Variants in BCL7A observed in about 807,000 individuals in gnomAD.
The protein encoded by BCL7A is BAF chromatin remodeling complex subunit BCL7A.
Under a neutral mutation model 28.4 loss-of-function variants are expected in BCL7A, and 11 were observed. The ratio of observed to expected loss-of-function variants is 0.39; its 90% confidence interval spans 0.24 to 0.64. BCL7A has a LOEUF of 0.64. BCL7A is among the 30% of genes least tolerant of loss of function. The pLI is 0.50. For synonymous variants in BCL7A, 123 were observed against 103.3 expected, an observed-to-expected ratio of 1.19 and a Z score of -1.15; for missense variants, 222 against 274.8, an observed-to-expected ratio of 0.81 and a Z score of 1.36.
intron 4 of BCL7A, 138 bp downstream of exon 4, chr12:122,044,191 T>C: frequency 1.0e-6 from 1 of 996,606 alleles, no homozygotes; most frequent in Non-Finnish European, 1.4e-6. Context: ...ACACCTGGAG[T>C]ACATGGTCTC....
intron 1 of BCL7A, among the ~76,000 whole-genome samples, chr12:122,023,255 C>T (rs532621870): frequency 5.3e-5 from 8 of 152,204 alleles, no homozygotes; most frequent in Middle Eastern, 3.4e-3. Flanking sequence ...TATTTTTTTC[C>T]CACGCCTTCA....
At chr12:122,052,199 A>T (rs1169476834) in intron 4 of BCL7A, among the ~76,000 whole-genome samples, 3 of 152,066 alleles carry the variant, frequency 2.0e-5, no homozygotes, top group African/African-American at 7.2e-5. Context: ...TCTTTTAAAA[A>T]AAAAAAATAA....
At chr12:122,036,379 G>A (rs1031003987) in intron 3 of BCL7A, among the ~76,000 whole-genome samples, 5 of 152,116 alleles carry the variant, frequency 3.3e-5, no homozygotes, top group Admixed American at 3.3e-4. Flanking sequence ...CTGCACTCCA[G>A]CCTGGGCAAT....
chr12:122,051,055 G>T (rs900963586), intron 4 of BCL7A, among the ~76,000 whole-genome samples: 2 of 152,196 alleles, frequency 1.3e-5, no homozygotes, highest in Admixed American at 6.6e-5. Flanking sequence ...TCCCACGTTG[G>T]GGGTGTGTGT....
At chr12:122,033,466 A>G (rs774260927) in intron 2 of BCL7A, among the ~76,000 whole-genome samples, 2 of 152,156 alleles carry the variant, frequency 1.3e-5, no homozygotes, top group African/African-American at 2.4e-5. Context: ...GGCGCGCGCC[A>G]CCACGTCCAG....
intron 4 of BCL7A, among the ~76,000 whole-genome samples, chr12:122,050,504 G>C (rs1028810803): frequency 6.6e-6 from 1 of 152,160 alleles, no homozygotes; most frequent in East Asian, 1.9e-4. Flanking sequence ...CATGGCCCCC[G>C]TGATCCCAGC....
At chr12:122,050,995 G>A (rs184491347) in intron 4 of BCL7A, among the ~76,000 whole-genome samples, 183 of 152,320 alleles carry the variant, frequency 1.2e-3, no homozygotes, top group African/African-American at 4.2e-3. Context: ...GTGCAGCCGC[G>A]TTCCTGCTTC....
intron 5 of BCL7A, among the ~76,000 whole-genome samples, chr12:122,058,056 G>A (rs61952895): frequency 6.6e-6 from 1 of 151,952 alleles, no homozygotes; most frequent in Non-Finnish European, 1.5e-5. Context: ...AATCATCCGG[G>A]CATGGTGGCA....
intron 1 of BCL7A, among the ~76,000 whole-genome samples, chr12:122,023,863 A>G (rs1883541908): frequency 6.6e-6 from 1 of 152,162 alleles, no homozygotes; most frequent in African/African-American, 2.4e-5. Flanking sequence ...CAAAGAAAGA[A>G]CTGGTGTCTG....
At chr12:122,056,485 G>T (rs1249672298) in intron 5 of BCL7A, among the ~76,000 whole-genome samples, 1 of 152,098 alleles carries the variant, frequency 6.6e-6, no homozygotes. Context: ...CTCCAGTAAA[G>T]CAGACAGCCT....
intron 1 of BCL7A, among the ~76,000 whole-genome samples, chr12:122,025,276 T>C (rs998761210): frequency 6.6e-6 from 1 of 151,448 alleles, no homozygotes; most frequent in Admixed American, 6.6e-5. Flanking sequence ...GACAGGAGGA[T>C]TGCTTGAGCC....
chr12:122,059,056 C>T lies in BCL7A; in HGVS notation c.562-36C>T. The T allele has an allele frequency of 6.4e-7, 1 of 1,552,804 alleles. No individual in the cohort carries two copies. Among genetic ancestry groups the T allele is most frequent in the South Asian group, 1.1e-5 (1 of 89,730 alleles). On this transcript the variant is annotated intron_variant, in intron 5 of 5. Coordinates refer to ENST00000261822, the MANE Select transcript of BCL7A (RefSeq NM_001024808.3). This position sits in a 1 kb window ranked among gnomAD's most constrained non-coding sequence, Gnocchi z 4.0. ...CCTGGCCTAACTTGCTCTCCTGGCC[C>T]ATTAACCTGTGTTCCCCTTTTCTCC... is the stretch of plus-strand genomic sequence containing the variant.
At chr12:122,025,198 C>T (rs577776786) in intron 1 of BCL7A, among the ~76,000 whole-genome samples, 1 of 152,226 alleles carries the variant, frequency 6.6e-6, no homozygotes, top group African/African-American at 2.4e-5. Flanking sequence ...AAAGCTTGGG[C>T]TGCAGCGTAA....
rs72047889 is a variant in BCL7A at position 122,021,916 on chromosome 12, T to TTGTGTGTGTGTG, written c.-174_-163dup. ...GCCAGGCGCGCGGCGGCCCCGGGCT[T>TTGTGTGTGTGTG]TGTGTGTGTGTGTATGTGTGTGTGT... On this transcript the variant is annotated 5_prime_UTR_variant, in exon 1 of 6. Coordinates refer to ENST00000261822, the MANE Select transcript of BCL7A (RefSeq NM_001024808.3). 1.1e-5 allele frequency: 4 copies of TTGTGTGTGTGTG among 353,828 alleles called. No individual in the cohort carries two copies. Among genetic ancestry groups the TTGTGTGTGTGTG allele is most frequent in the Non-Finnish European group, 2.1e-5 (4 of 192,818 alleles). 21.9% of individuals were successfully genotyped at this position (353,828 alleles called of 1,614,324 possible).
At chr12:122,023,792 C>T (rs1002679734) in intron 1 of BCL7A, among the ~76,000 whole-genome samples, 5 of 152,210 alleles carry the variant, frequency 3.3e-5, no homozygotes, top group Non-Finnish European at 5.9e-5. Context: ...GCAGCCCCCT[C>T]TACTGTGGGA....
chr12:122,055,786 T>G (rs1261615372), intron 5 of BCL7A, among the ~76,000 whole-genome samples: 2 of 152,164 alleles, frequency 1.3e-5, no homozygotes, highest in African/African-American at 4.8e-5. Flanking sequence ...GCCTGGCTGA[T>G]TTTTGTATTT....
rs1032639012 is a variant in BCL7A at position 122,061,615 on chromosome 12, T to A, written c.*2452T>A. The stretch of plus-strand genomic sequence containing the variant: ...CCACAGAATCTAAGACCTTTCAGCT[T>A]CGAGCCAGGGGGCGGGGGATCCCGA... On this transcript the variant is annotated 3_prime_UTR_variant, in exon 6 of 6. Coordinates refer to ENST00000261822, the MANE Select transcript of BCL7A (RefSeq NM_001024808.3). The A allele has an allele frequency of 7.8e-5, 12 of 154,246 alleles. No homozygotes were observed. The highest frequency in any genetic ancestry group is 1.5e-4 in the Non-Finnish European group (11 of 72,400). The allele number at this position is 154,246 out of a possible 1,614,324, so 9.6% of individuals were successfully genotyped here. A position where few individuals can be genotyped will look rare whatever the true frequency, so the allele number is the denominator to read the frequency against.
chr12:122,022,818 C>G (rs2135833666), intron 1 of BCL7A, among the ~76,000 whole-genome samples: 1 of 151,890 alleles, frequency 6.6e-6, no homozygotes, highest in East Asian at 2.0e-4. Context: ...CTCTCGGCGA[C>G]CAGGAAAGAT....
intron 3 of BCL7A, among the ~76,000 whole-genome samples, chr12:122,040,543 A>G (rs1339514520): frequency 2.0e-5 from 3 of 151,616 alleles, no homozygotes; most frequent in African/African-American, 7.3e-5. Context: ...AAAAAAAAAA[A>G]AAAAAAACCA....
Sources: gnomAD v4.1 joint callset for allele counts (sites outside exome capture counted in the v4.1 genomes callset) on GRCh38, gnomAD v4.1.1 for gene constraint, Gnocchi (gnomAD v3.1) non-coding constraint, MANE v1.5 for transcripts, NCBI Gene and HGNC (gene_info 2026-07-23, HGNC 2026-07-21) for gene names.